Variants in ZNF141 observed in about 807,000 individuals in gnomAD.
The protein encoded by ZNF141 is zinc finger protein 141 (clone pHZ-44).
ZNF141 carries 7 observed loss-of-function variants against 11.3 expected under a neutral mutation model. The ratio of observed to expected loss-of-function variants is 0.62; its 90% confidence interval spans 0.35 to 1.16. The LOEUF (loss-of-function observed/expected upper bound fraction) is 1.16, where lower values mean the gene tolerates loss of function less well. ZNF141 is among the 50% of genes most tolerant of loss of function. The probability of loss-of-function intolerance (pLI) is 0.02; values close to 1 mark genes in which losing one functional copy is unlikely to be tolerated. For missense variants in ZNF141, 535 were observed against 554.0 expected, an observed-to-expected ratio of 0.97 and a Z score of 0.34; for synonymous variants, 183 against 190.7, an observed-to-expected ratio of 0.96 and a Z score of 0.33.
chr4:373,230 AAT>A lies in ZNF141; in HGVS notation c.795_796del (p.Asn265LysfsTer7). The A allele has an allele frequency of 1.2e-6, 2 of 1,613,560 alleles. No individual in the cohort carries two copies. The highest frequency in any genetic ancestry group is 1.7e-6 in the Non-Finnish European group (2 of 1,179,844). On this transcript the variant is annotated frameshift_variant, in exon 4 of 4. Coordinates refer to ENST00000240499, the MANE Select transcript of ZNF141 (RefSeq NM_003441.4). LOFTEE classifies it low-confidence loss of function (END_TRUNC). ...YKCEECGKAF[N>X]RFTTLTKHKR... ...ATGTGAAGAATGTGGCAAAGCCTTT[AAT>A]AGGTTCACAACCCTTACTAAACATA...
rs1446948047 is a variant in ZNF141 at position 337,953 on chromosome 4, T to G, written c.-31T>G. 1 of 1,612,394 alleles carries G rather than the reference T, an allele frequency of 6.2e-7. No individual in the cohort carries two copies. Among genetic ancestry groups the G allele is most frequent in the Non-Finnish European group, 8.5e-7 (1 of 1,178,974 alleles). ...CTGCGGGTATTGGATGATTGGTAGCTAAGACTCCCGAATACTTCAGAAGTG... is the reference window on the plus strand; with the variant it reads ...CTGCGGGTATTGGATGATTGGTAGCGAAGACTCCCGAATACTTCAGAAGTG... On this transcript the variant is annotated 5_prime_UTR_variant, in exon 1 of 4. It removes the in-frame stop codon of an upstream open reading frame in the 5' UTR. Transcript: ENST00000240499.
chr4:351,472 C>T (rs1262223713), intron 3 of ZNF141, among the ~76,000 whole-genome samples: 2 of 151,894 alleles, frequency 1.3e-5, no homozygotes, highest in Admixed American at 6.6e-5. Context: ...ATGATCCGCC[C>T]CTCGGCCTCC....
chr4:373,884 G>T lies in ZNF141; in HGVS notation c.*22G>T. Reference sequence around the variant, plus strand: ...TTGAGAGAAATCCTACAAATGTAAAGAATGTGGCAAACCTTTGGATGATCC... The same window carrying T: ...TTGAGAGAAATCCTACAAATGTAAATAATGTGGCAAACCTTTGGATGATCC... On this transcript the variant is annotated 3_prime_UTR_variant, in exon 4 of 4. Transcript: ENST00000240499. 2 of 1,575,396 alleles carry T rather than the reference G, an allele frequency of 1.3e-6. No homozygotes were observed. The highest frequency in any genetic ancestry group is 1.2e-5 in the South Asian group (1 of 86,906).
rs1271931591 is a variant in ZNF141, at chr4:382,091, A to G, written c.*8229A>G. On this transcript the variant is annotated 3_prime_UTR_variant, in exon 4 of 4. Transcript: ENST00000240499. ...CTCCCAAGTAGCTGGGACTACAGGC[A>G]CCTGCTACCATGCCCGGCTAATTTT... Among the ~76,000 whole-genome samples, 2 of 151,464 alleles carry G rather than the reference A, an allele frequency of 1.3e-5. No homozygotes were observed. The highest frequency in any genetic ancestry group is 2.4e-5 in the African/African-American group (1 of 41,156).
intron 3 of ZNF141, among the ~76,000 whole-genome samples, chr4:355,798 C>A (rs1721813378): frequency 6.6e-6 from 1 of 152,120 alleles, no homozygotes; most frequent in African/African-American, 2.4e-5. Context: ...GCTGAGATGT[C>A]CGAGAGCATG....
chr4:374,098 A>G lies in ZNF141; in HGVS notation c.*236A>G. The G allele has an allele frequency of 1.8e-6, 1 of 542,566 alleles. No individual in the cohort carries two copies. The highest frequency in any genetic ancestry group is 3.1e-5 in the East Asian group (1 of 32,760). The allele number at this position is 542,566 out of a possible 1,614,324, so 33.6% of individuals were successfully genotyped here. A position where few individuals can be genotyped will look rare whatever the true frequency, so the allele number is the denominator to read the frequency against. On this transcript the variant is annotated 3_prime_UTR_variant, in exon 4 of 4. Coordinates refer to ENST00000240499, the MANE Select transcript of ZNF141 (RefSeq NM_003441.4). ...TGGTCCACAAACCTGAATGAGCAGA[A>G]GAAAATTATTACTGGAGATAAACCC...
intron 3 of ZNF141, among the ~76,000 whole-genome samples, chr4:348,083 A>T (rs782729022): frequency 6.6e-6 from 1 of 152,134 alleles, no homozygotes. Context: ...TGATCTCATG[A>T]TCTGCCTGCC....
In ZNF141 at chr4:375,936, G is replaced by C. The variant is rs116470211; in HGVS notation, c.*2074G>C. On this transcript the variant is annotated 3_prime_UTR_variant, in exon 4 of 4. Coordinates refer to ENST00000240499, the MANE Select transcript of ZNF141 (RefSeq NM_003441.4). ...TTTGTAGTTGACAATATTGAGTGAT[G>C]CATGAGGTAGGTGTTCAGAGTAATA... Among the ~76,000 whole-genome samples the C allele has an allele frequency of 0.016, 2,495 of 152,078 alleles. 69 individuals are homozygous for C. The highest frequency in any genetic ancestry group is 0.056 in the African/African-American group (2,344 of 41,520).
At chr4:348,590 T>C (rs540275756) in intron 3 of ZNF141, among the ~76,000 whole-genome samples, 1 of 151,832 alleles carries the variant, frequency 6.6e-6, no homozygotes, top group Non-Finnish European at 1.5e-5. Flanking sequence ...TAGTGGGCGC[T>C]TGTAATCCCA....
At position 380,204 on chromosome 4, in the gene ZNF141, C is replaced by T. The variant is rs1712548945; in HGVS notation, c.*6342C>T. On this transcript the variant is annotated 3_prime_UTR_variant, in exon 4 of 4. Transcript: ENST00000240499. ...GAATTGTATTTCCTTGTGTATACCA[C>T]GTTTTTGGAAAAATACATTCATTTC... Among the ~76,000 whole-genome samples the T allele has an allele frequency of 6.6e-6, 1 of 152,050 alleles. No individual in the cohort carries two copies. Among genetic ancestry groups the T allele is most frequent in the African/African-American group, 2.4e-5 (1 of 41,384 alleles).
At chr4:364,054 G>C (rs142437986) in intron 3 of ZNF141, among the ~76,000 whole-genome samples, 1 of 152,276 alleles carries the variant, frequency 6.6e-6, no homozygotes, top group African/African-American at 2.4e-5. Context: ...GTTGATCATG[G>C]TAGATGAGCT....
At chr4:356,264 C>T (rs1033735921) in intron 3 of ZNF141, among the ~76,000 whole-genome samples, 1 of 151,208 alleles carries the variant, frequency 6.6e-6, no homozygotes, top group Admixed American at 6.6e-5. Flanking sequence ...ACTATTAATC[C>T]TTTCATAAAA....
chr4:360,263 C>T (rs782269809), intron 3 of ZNF141, among the ~76,000 whole-genome samples: 21 of 151,920 alleles, frequency 1.4e-4, no homozygotes, highest in Non-Finnish European at 2.6e-4. Context: ...CCATATGTTC[C>T]GATATGTTCT....
intron 1 of ZNF141, chr4:343,018 TGCA>T: frequency 4.7e-6 from 3 of 638,090 alleles, no homozygotes; most frequent in Non-Finnish European, 4.6e-6. Context: ...AAAAGTTCCT[TGCA>T]TGATTAAAAA....
chr4:353,534 C>G (rs1014497840), intron 3 of ZNF141, among the ~76,000 whole-genome samples: 7 of 149,956 alleles, frequency 4.7e-5, no homozygotes, highest in Non-Finnish European at 1.0e-4. Flanking sequence ...GATCTCGGCT[C>G]ACTGCAACCT....
At chr4:351,468 C>T (rs1242842874) in intron 3 of ZNF141, among the ~76,000 whole-genome samples, 4 of 151,864 alleles carry the variant, frequency 2.6e-5, no homozygotes, top group African/African-American at 4.8e-5. Flanking sequence ...CCTCATGATC[C>T]GCCCCTCGGC....
intron 3 of ZNF141, among the ~76,000 whole-genome samples, chr4:345,555 C>A (rs1721280101): frequency 1.3e-5 from 2 of 151,588 alleles, no homozygotes; most frequent in African/African-American, 4.8e-5. Flanking sequence ...ATGGAGAAAC[C>A]CTGTCTCTAC....
intron 1 of ZNF141, among the ~76,000 whole-genome samples, chr4:339,705 G>A (rs1720962429): frequency 6.6e-6 from 1 of 152,138 alleles, no homozygotes; most frequent in African/African-American, 2.4e-5. Context: ...TGTTAACTAG[G>A]TGATTTGTCT....
At chr4:343,627 A>G (rs1185925268) in intron 1 of ZNF141, among the ~76,000 whole-genome samples, 155 bp from the exon 2 acceptor site, 2 of 143,134 alleles carry the variant, frequency 1.4e-5, no homozygotes, top group African/African-American at 2.6e-5. Flanking sequence ...TGGGAGGCTG[A>G]GGCAGGAGAA....
Sources: allele counts gnomAD v4.1 joint callset (sites outside exome capture counted in the v4.1 genomes callset), GRCh38; gene constraint gnomAD v4.1.1; transcripts MANE v1.5; gene names NCBI Gene and HGNC (gene_info 2026-07-23, HGNC 2026-07-21).